TRDN: variants seen among roughly 807,000 people sequenced by gnomAD.
TRDN encodes the protein triadin in skeletal muscle.
TRDN carries 161 observed loss-of-function variants against 149.7 expected under a neutral mutation model. The ratio of observed to expected loss-of-function variants is 1.08; its 90% CI spans 0.95 to 1.23. TRDN has a LOEUF of 1.23. Among genes scored for constraint, TRDN ranks in the 50% most tolerant of loss-of-function variants. The probability of loss-of-function intolerance (pLI) is 0.00; values close to 1 mark genes in which losing one functional copy is unlikely to be tolerated. For missense variants in TRDN, 896 were observed against 823.5 expected (o/e 1.09, Z -1.08); for synonymous variants, 294 against 250.5 (o/e 1.17, Z -1.64).
chr6:123,336,643 C>T (rs1277439344), intron 22 of TRDN, among the ~76,000 whole-genome samples: 4 of 151,658 alleles, frequency 2.6e-5, no homozygotes, highest in African/African-American at 9.7e-5. Context: ...ATAGTCTATG[C>T]TTTTTTTGCA....
chr6:123,461,315 T>A (rs1035958111), intron 10 of TRDN, among the ~76,000 whole-genome samples: 3 of 152,198 alleles, frequency 2.0e-5, no homozygotes, highest in Non-Finnish European at 2.9e-5. Context: ...TTAGCATTTA[T>A]AATATTATTT....
intron 1 of TRDN, among the ~76,000 whole-genome samples, chr6:123,575,691 C>G (rs987972825): frequency 1.3e-5 from 2 of 152,050 alleles, no homozygotes; most frequent in East Asian, 3.9e-4. Context: ...CCATGCGACT[C>G]TTTCCTATAG....
At chr6:123,627,683 G>A (rs1208043786) in intron 1 of TRDN, among the ~76,000 whole-genome samples, 1 of 152,138 alleles carries the variant, frequency 6.6e-6, no homozygotes, top group Non-Finnish European at 1.5e-5. Flanking sequence ...TGAAAGTCCT[G>A]GATGGCATCT....
intron 31 of TRDN, among the ~76,000 whole-genome samples, chr6:123,268,328 T>G (rs75984820): frequency 2.6e-5 from 4 of 152,146 alleles, no homozygotes; most frequent in African/African-American, 9.6e-5. Flanking sequence ...GAATCTCAAC[T>G]ATTCTAGGAT....
rs10547981 is a variant in TRDN, at chr6:123,551,203, G to GATATATATATAT, written c.233-2603_233-2592dup. On this transcript the variant is annotated intron_variant, in intron 2 of 40. Coordinates refer to ENST00000334268, the MANE Select transcript of TRDN (RefSeq NM_006073.4). The stretch of plus-strand genomic sequence containing the variant: ...TTAAATGCACTGTATGTATTTTGCA[G>GATATATATATAT]ATATATATATATATATATATTGCCT... 1.7e-3 allele frequency among the ~76,000 whole-genome samples: 195 copies of GATATATATATAT among 118,092 alleles called. 18 individuals carry two copies. Among genetic ancestry groups the GATATATATATAT allele is most frequent in the African/African-American group, 4.4e-3 (134 of 30,294 alleles). The allele number at this position is 118,092 out of a possible 152,430, so 77.5% of individuals were successfully genotyped here. A position where few individuals can be genotyped will look rare whatever the true frequency, so the allele number is the denominator to read the frequency against.
intron 12 of TRDN, 75 bp from the exon 13 acceptor site, chr6:123,393,752 A>T: frequency 7.4e-7 from 1 of 1,359,906 alleles, no homozygotes; most frequent in Non-Finnish European, 1.0e-6. Context: ...GGGACAGGGG[A>T]GCACAAACAC....
At chr6:123,345,943 T>C (rs1252445686) in intron 21 of TRDN, among the ~76,000 whole-genome samples, 1 of 152,082 alleles carries the variant, frequency 6.6e-6, no homozygotes, top group Non-Finnish European at 1.5e-5. Flanking sequence ...AGGAAGTTTT[T>C]GGAATTTTCT....
chr6:123,445,317 T>C lies in TRDN; in HGVS notation c.932-6314A>G, dbSNP rs545595648. On this transcript the variant is annotated intron_variant, in intron 10 of 40. Transcript: ENST00000334268. ...AACCTAGGCATTACCATTCAGGACA[T>C]AGGCATGGGCAAGGACTTCATGTCT... 7.3e-3 allele frequency among the ~76,000 whole-genome samples: 1,095 copies of C among 149,776 alleles called. 16 individuals are homozygous for C. The highest frequency in any genetic ancestry group is 0.02 in the Middle Eastern group (6 of 294).
intron 14 of TRDN, among the ~76,000 whole-genome samples, chr6:123,387,969 A>T (rs1781970267): frequency 6.6e-6 from 1 of 152,134 alleles, no homozygotes; most frequent in Non-Finnish European, 1.5e-5. Flanking sequence ...GATCTCTTGA[A>T]TCTACAAAAG....
intron 8 of TRDN, among the ~76,000 whole-genome samples, chr6:123,500,742 A>G (rs1281007171): frequency 6.6e-6 from 1 of 152,196 alleles, no homozygotes; most frequent in Admixed American, 6.6e-5. Context: ...GGGAAAATAC[A>G]TTCTGGGTGC....
intron 38 of TRDN, among the ~76,000 whole-genome samples, chr6:123,239,733 G>A (rs1775917454): frequency 6.6e-6 from 1 of 151,876 alleles, no homozygotes; most frequent in Non-Finnish European, 1.5e-5. Context: ...AAAGTTTGTG[G>A]GATGCTGCTG....
chr6:123,382,134 T>G lies in TRDN; in HGVS notation c.1149A>C (p.Thr383=). 1 of 1,501,960 alleles carries G rather than the reference T, an allele frequency of 6.7e-7. No individual in the cohort carries two copies. 93.0% of individuals were successfully genotyped at this position (1,501,960 alleles called of 1,614,324 possible). ...GTCCAGTACCTTCTGCAGGTTTTTTTGTTTTCTTGGAATCTGAAAACACAA... is the reference window on the plus strand; with the variant it reads ...GTCCAGTACCTTCTGCAGGTTTTTTGGTTTTCTTGGAATCTGAAAACACAA... The part of the protein sequence containing the change: ...KDEKKEDSKK[T]KKPAEVEQPK... Residue 383 remains threonine, a synonymous_variant, in exon 15 of 41, where the codon ACA becomes ACC. Transcript: ENST00000334268.
At chr6:123,614,569 C>T (rs540031926) in intron 1 of TRDN, among the ~76,000 whole-genome samples, 27 of 150,948 alleles carry the variant, frequency 1.8e-4, no homozygotes, top group East Asian at 7.8e-4. Flanking sequence ...TTTTGAAAAA[C>T]GTAAGTGTAT....
intron 38 of TRDN, among the ~76,000 whole-genome samples, 174 bp downstream of exon 38, chr6:123,252,235 GTTT>G (rs893164212): frequency 6.7e-6 from 1 of 148,370 alleles, no homozygotes; most frequent in Non-Finnish European, 1.5e-5. Flanking sequence ...AAATAACATA[GTTT>G]TTTTTTTAAG....
intron 1 of TRDN, among the ~76,000 whole-genome samples, chr6:123,606,669 AAT>A (rs1241901964): frequency 6.6e-6 from 1 of 152,126 alleles, no homozygotes; most frequent in Admixed American, 6.6e-5. Context: ...GTATTTATTT[AAT>A]AACCCATTTT....
chr6:123,352,584 C>T lies in TRDN; in HGVS notation c.1324G>A (p.Val442Ile). The change falls in exon 21 of 41, where the codon GTA (valine) becomes ATA (isoleucine). Residue 442 changes from valine (V) to isoleucine (I), a missense_variant and splice_region_variant. Coordinates refer to ENST00000334268, the MANE Select transcript of TRDN (RefSeq NM_006073.4). ...EIGAVSIKKAVPGKKEEKTTK... is the reference protein window; with the variant it reads ...EIGAVSIKKAIPGKKEEKTTK... ...GTTTTCTCTTCCTTCTTTCCAGGTA[C>T]AGCTGCAAAACAAAGATAAGGTTTA... 6.2e-7 allele frequency: 1 copy of T among 1,609,506 alleles called. No individual in the cohort carries two copies. The highest frequency in any genetic ancestry group is 1.1e-5 in the South Asian group (1 of 90,718).
At chr6:123,242,298 G>A (rs1013607637) in intron 38 of TRDN, among the ~76,000 whole-genome samples, 2 of 151,972 alleles carry the variant, frequency 1.3e-5, no homozygotes, top group Non-Finnish European at 2.9e-5. Context: ...GTTAATATCA[G>A]GAATAGATTG....
At chr6:123,598,911 A>G (rs898407085) in intron 1 of TRDN, among the ~76,000 whole-genome samples, 2 of 152,244 alleles carry the variant, frequency 1.3e-5, no homozygotes, top group East Asian at 3.9e-4. Context: ...TGAATCAGGC[A>G]TAGGAGAGGC....
At chr6:123,334,161 G>T (rs1393344019) in intron 22 of TRDN, among the ~76,000 whole-genome samples, 2 of 152,082 alleles carry the variant, frequency 1.3e-5, no homozygotes, top group East Asian at 3.9e-4. Flanking sequence ...TTGTTGAGTG[G>T]AAATGGCCAA....
Sources: gnomAD v4.1 joint callset for allele counts (sites outside exome capture counted in the v4.1 genomes callset) on GRCh38, gnomAD v4.1.1 for gene constraint, MANE v1.5 for transcripts, NCBI Gene and HGNC (gene_info 2026-07-23, HGNC 2026-07-21) for gene names.